Variants in NAA35 observed in about 807,000 individuals in gnomAD.
NAA35 encodes MAK10 homolog, amino-acid N-acetyltransferase subunit.
In NAA35, 18 loss-of-function variants were observed where a neutral mutation model predicts 101.7. The ratio of observed to expected loss-of-function variants is 0.18; its 90% CI spans 0.12 to 0.26. The LOEUF is 0.26. Ranked by LOEUF, NAA35 falls within the 10% of genes least tolerant of loss-of-function variation. NAA35 has a pLI of 1.00. For missense variants in NAA35, 601 were observed against 886.8 expected (o/e 0.68, Z 4.09); for synonymous variants, 267 against 273.1 (o/e 0.98, Z 0.22).
At chr9:86,021,107 A>G (rs930588955) in intron 22 of NAA35, 138 bp downstream of exon 22, 19 of 573,380 alleles carry the variant, frequency 3.3e-5, no homozygotes, top group African/African-American at 2.5e-4. Flanking sequence ...TTCAGCAGCA[A>G]AAAATTAGAG....
chr9:86,024,244 C>G lies in NAA35; in HGVS notation c.*2284C>G, dbSNP rs12352807. ...GTGACAAATCCCCATCGCATCTATT[C>G]AGGAGGCACTGCTGGGAAAAGGGTC... On this transcript the variant is annotated 3_prime_UTR_variant, in exon 23 of 23. Transcript: ENST00000361671. 2.5e-4 allele frequency among the ~76,000 whole-genome samples: 38 copies of G among 152,178 alleles called. No individual in the cohort carries two copies. Among genetic ancestry groups the G allele is most frequent in the African/African-American group, 8.4e-4 (35 of 41,428 alleles).
At chr9:85,963,263 CTTTTTT>C (rs527736196) in intron 6 of NAA35, among the ~76,000 whole-genome samples, 24 of 72,316 alleles carry the variant, frequency 3.3e-4, no homozygotes, top group African/African-American at 1.4e-3. Flanking sequence ...GAAGGTATGG[CTTTTTT>C]TTTTTTTTTT....
intron 13 of NAA35, among the ~76,000 whole-genome samples, chr9:86,004,855 G>A (rs563963634): frequency 1.3e-5 from 2 of 152,242 alleles, no homozygotes; most frequent in East Asian, 3.9e-4. Flanking sequence ...CTCAAGAAGA[G>A]ACAGATAATT....
chr9:86,020,820 C>T (rs555273908), intron 21 of NAA35, 69 bp from the exon 22 acceptor site: 1 of 1,256,504 alleles, frequency 8.0e-7, no homozygotes, highest in Admixed American at 1.8e-5. Flanking sequence ...GACAGCAGGT[C>T]TCAAAAAAGA....
intron 13 of NAA35, among the ~76,000 whole-genome samples, chr9:86,004,391 A>G (rs11999832): frequency 0.021 from 3,158 of 152,052 alleles, 122 homozygotes; most frequent in African/African-American, 0.072. Context: ...AGGTTGGAGG[A>G]TCGCTTGAAC....
At chr9:85,966,596 A>T in intron 6 of NAA35, 2 of 1,246,136 alleles carry the variant, frequency 1.6e-6, no homozygotes, top group Non-Finnish European at 2.1e-6. Flanking sequence ...TTGATCTCAG[A>T]TTTCGCGGCT....
chr9:86,015,729 T>C (rs1020307786), intron 17 of NAA35: 4 of 933,636 alleles, frequency 4.3e-6, no homozygotes, highest in African/African-American at 3.6e-5. Flanking sequence ...GTACCTGATA[T>C]TTGAGAAGAA....
At chr9:85,974,551 GTCACTTAATAATT>G (rs943547358) in intron 6 of NAA35, among the ~76,000 whole-genome samples, 1 of 152,126 alleles carries the variant, frequency 6.6e-6, no homozygotes, top group Non-Finnish European at 1.5e-5. Context: ...TGTGCAAGCA[GTCACTTAATAATT>G]TTTTAAGTAG....
chr9:85,969,264 G>A (rs1829894138), intron 6 of NAA35, among the ~76,000 whole-genome samples: 1 of 128,652 alleles, frequency 7.8e-6, no homozygotes, highest in South Asian at 2.4e-4. Flanking sequence ...TTGAGACCTG[G>A]TATGTCAAAA....
intron 2 of NAA35, among the ~76,000 whole-genome samples, chr9:85,946,848 C>T (rs1419944610): frequency 6.6e-6 from 1 of 152,130 alleles, no homozygotes; most frequent in Non-Finnish European, 1.5e-5. Flanking sequence ...TAAGGCCTTC[C>T]ATATCCATTC....
chr9:85,965,178 C>G (rs1829691361), intron 6 of NAA35, among the ~76,000 whole-genome samples: 1 of 152,204 alleles, frequency 6.6e-6, no homozygotes, highest in African/African-American at 2.4e-5. Flanking sequence ...TCAGCAGTTT[C>G]ACTTCTAGCA....
chr9:85,995,591 CA>C (rs1474726005), intron 11 of NAA35, among the ~76,000 whole-genome samples: 1 of 152,090 alleles, frequency 6.6e-6, no homozygotes, highest in African/African-American at 2.4e-5. Context: ...TTCTTAATAA[CA>C]ACAGCTATTC....
Position 85,958,446 on chromosome 9 carries a change from T to G in NAA35, c.159-26T>G, listed in dbSNP as rs1248426747. The G allele has an allele frequency of 2.0e-6, 3 of 1,472,628 alleles. No individual in the cohort carries two copies. The South Asian group carries it at 3.6e-5, about 17-fold the overall frequency. The allele number at this position is 1,472,628 out of a possible 1,614,324, so 91.2% of individuals were successfully genotyped here. On this transcript the variant is annotated intron_variant, in intron 3 of 22. Transcript: ENST00000361671. ...TAAGCTTACTGGCTCAAAAACAATT[T>G]GTTGGCTCAATTTTTTTATTTGCAG... is the stretch of plus-strand genomic sequence containing the variant.
chr9:85,996,888 G>T (rs1373456786), intron 12 of NAA35, among the ~76,000 whole-genome samples: 1 of 152,068 alleles, frequency 6.6e-6, no homozygotes, highest in Non-Finnish European at 1.5e-5. Context: ...ATCTCACTCT[G>T]TTGTCTAGGC....
chr9:85,958,670 G>A (rs559951526), intron 4 of NAA35, 84 bp downstream of exon 4: 32 of 831,752 alleles, frequency 3.8e-5, no homozygotes, highest in African/African-American at 8.6e-5. Context: ...GAAATGAAAC[G>A]TTGTATTAAA....
intron 6 of NAA35, among the ~76,000 whole-genome samples, chr9:85,963,881 T>C (rs1829629583): frequency 6.6e-6 from 1 of 152,182 alleles, no homozygotes; most frequent in Admixed American, 6.5e-5. Context: ...AGCTGAAATG[T>C]GTTAAGTATA....
chr9:86,024,380 C>T lies in NAA35; in HGVS notation c.*2420C>T, dbSNP rs1027297263. ...GGCAAGGAGAAGCCGATACCCAAAA[C>T]CCTGGGAGGCCACAGGTTAAAGATT... On this transcript the variant is annotated 3_prime_UTR_variant, in exon 23 of 23. Coordinates refer to ENST00000361671, the MANE Select transcript of NAA35 (RefSeq NM_024635.4). 7.2e-5 allele frequency among the ~76,000 whole-genome samples: 11 copies of T among 152,144 alleles called. No homozygotes were observed. The South Asian group carries it at 2.1e-3, about 29-fold the overall frequency.
intron 6 of NAA35, among the ~76,000 whole-genome samples, chr9:85,973,023 T>C (rs1442780348): frequency 6.6e-6 from 1 of 152,178 alleles, no homozygotes; most frequent in Non-Finnish European, 1.5e-5. Context: ...TTAGAATGCA[T>C]GGGGAAAATC....
chr9:85,979,919 C>T (rs977611317), intron 11 of NAA35, among the ~76,000 whole-genome samples: 3 of 152,208 alleles, frequency 2.0e-5, no homozygotes, highest in Non-Finnish European at 4.4e-5. Flanking sequence ...CACAGGTTGA[C>T]GGCTCAGTCC....
Sources: gnomAD v4.1 joint callset for allele counts (sites outside exome capture counted in the v4.1 genomes callset) on GRCh38, gnomAD v4.1.1 for gene constraint, MANE v1.5 for transcripts, NCBI Gene and HGNC (gene_info 2026-07-23, HGNC 2026-07-21) for gene names.